Variants in SESN1 observed in about 807,000 individuals in gnomAD.
SESN1 encodes sestrin-1.
A neutral mutation model predicts 59.3 loss-of-function variants in SESN1; 30 were observed. That is an observed-to-expected ratio of 0.51 (90% CI 0.38 to 0.69). The LOEUF (loss-of-function observed/expected upper bound fraction) is 0.69, where lower values mean the gene tolerates loss of function less well. SESN1 is among the 30% of genes least tolerant of loss of function. The pLI is 0.00. For synonymous variants in SESN1, 197 were observed against 219.9 expected (o/e 0.90, Z 0.92); for missense variants, 566 against 673.0 (o/e 0.84, Z 1.76).
intron 1 of SESN1, among the ~76,000 whole-genome samples, chr6:109,016,108 T>C (rs1430394317): frequency 1.3e-5 from 2 of 152,254 alleles, no homozygotes; most frequent in Non-Finnish European, 1.5e-5. Context: ...ATAGGATTTT[T>C]ACCCGTGGTT....
chr6:109,009,212 A>C, intron 1 of SESN1: 1 of 825,610 alleles, frequency 1.2e-6, no homozygotes, highest in Non-Finnish European at 1.6e-6. Flanking sequence ...GCTCCCCGGG[A>C]GCCCGCCCTA....
chr6:109,022,477 C>T (rs1401029099), intron 1 of SESN1, among the ~76,000 whole-genome samples: 1 of 120,188 alleles, frequency 8.3e-6, no homozygotes, highest in Non-Finnish European at 1.6e-5. Flanking sequence ...GGCTGGAGTG[C>T]AGTGGCGCGA....
intron 5 of SESN1, among the ~76,000 whole-genome samples, chr6:108,998,074 A>G (rs1779537650): frequency 1.3e-5 from 2 of 152,332 alleles, no homozygotes; most frequent in Admixed American, 1.3e-4. Context: ...AAGTTGATTA[A>G]ATCTTCTGAA....
chr6:109,033,830 A>T (rs1182406218), intron 1 of SESN1, among the ~76,000 whole-genome samples: 1 of 152,244 alleles, frequency 6.6e-6, no homozygotes, highest in African/African-American at 2.4e-5. Context: ...TTTAGTTAAC[A>T]GTGCCTCTCA....
chr6:109,041,617 A>G (rs963065012), intron 1 of SESN1, among the ~76,000 whole-genome samples: 1 of 152,210 alleles, frequency 6.6e-6, no homozygotes, highest in Non-Finnish European at 1.5e-5. Context: ...GACATTATAT[A>G]TCATGATAAA....
intron 1 of SESN1, among the ~76,000 whole-genome samples, chr6:109,088,790 C>T (rs888390312): frequency 1.3e-5 from 2 of 152,146 alleles, no homozygotes; most frequent in Non-Finnish European, 2.9e-5. Flanking sequence ...TTAATACTCC[C>T]ATTCCTTTGT....
intron 1 of SESN1, among the ~76,000 whole-genome samples, chr6:109,077,518 A>C (rs190416267): frequency 6.6e-4 from 101 of 152,330 alleles, no homozygotes; most frequent in Admixed American, 2.0e-3. Context: ...ACTCATCCAG[A>C]ATATGAATGT....
At chr6:109,053,823 C>T (rs2114446142) in intron 1 of SESN1, among the ~76,000 whole-genome samples, 1 of 152,298 alleles carries the variant, frequency 6.6e-6, no homozygotes, top group South Asian at 2.1e-4. Flanking sequence ...CCTATCATAT[C>T]TGTATTAATA....
At chr6:109,011,001 T>TAG (rs1419722235) in intron 1 of SESN1, among the ~76,000 whole-genome samples, 1 of 152,230 alleles carries the variant, frequency 6.6e-6, no homozygotes, top group Non-Finnish European at 1.5e-5. Flanking sequence ...GCTAGTTAGG[T>TAG]AGAAGTATGT....
At chr6:109,077,206 A>G (rs919376959) in intron 1 of SESN1, among the ~76,000 whole-genome samples, 1 of 152,210 alleles carries the variant, frequency 6.6e-6, no homozygotes, top group African/African-American at 2.4e-5. Context: ...GTATCACCCT[A>G]CATTTCACAT....
intron 1 of SESN1, among the ~76,000 whole-genome samples, chr6:109,086,587 C>G (rs1484807152): frequency 3.3e-5 from 5 of 152,182 alleles, no homozygotes; most frequent in Admixed American, 6.5e-5. Flanking sequence ...TCTGCACATA[C>G]AGCACCTTTA....
At chr6:109,047,378 G>A (rs1368028141) in intron 1 of SESN1, among the ~76,000 whole-genome samples, 73 of 82,472 alleles carry the variant, frequency 8.9e-4, no homozygotes, top group African/African-American at 2.2e-3. Flanking sequence ...CAGCCGCCCC[G>A]TCCGGGAGGT....
At chr6:109,074,068 T>C (rs1780985288) in intron 1 of SESN1, among the ~76,000 whole-genome samples, 1 of 152,226 alleles carries the variant, frequency 6.6e-6, no homozygotes, top group Non-Finnish European at 1.5e-5. Context: ...GCCTTTTCTA[T>C]GTTTAGATAA....
chr6:109,077,147 T>C (rs1200192478), intron 1 of SESN1, among the ~76,000 whole-genome samples: 1 of 152,236 alleles, frequency 6.6e-6, no homozygotes, highest in East Asian at 1.9e-4. Context: ...CTATTGTATA[T>C]GCAGTCTGTT....
chr6:108,987,073 T>G lies in SESN1; in HGVS notation c.*471A>C, dbSNP rs1211783368. On this transcript the variant is annotated 3_prime_UTR_variant, in exon 10 of 10. Coordinates refer to ENST00000436639, the MANE Select transcript of SESN1 (RefSeq NM_014454.3). The stretch of plus-strand genomic sequence containing the variant: ...TGTATGTAGGCTCAGATAGTAGCAA[T>G]GTTCACTTTTATTACTAATAGCTTA... The G allele has an allele frequency of 6.5e-6, 1 of 153,278 alleles. No homozygotes were observed. Among genetic ancestry groups the G allele is most frequent in the African/African-American group, 2.4e-5 (1 of 41,472 alleles). The allele number at this position is 153,278 out of a possible 1,614,324, so 9.5% of individuals were successfully genotyped here.
intron 1 of SESN1, among the ~76,000 whole-genome samples, chr6:109,015,703 T>C (rs1272734013): frequency 6.6e-6 from 1 of 152,180 alleles, no homozygotes; most frequent in Non-Finnish European, 1.5e-5. Flanking sequence ...GTTAGGACTT[T>C]AAGCCATATG....
intron 1 of SESN1, among the ~76,000 whole-genome samples, chr6:109,085,751 C>T (rs987031713): frequency 6.6e-5 from 10 of 152,102 alleles, no homozygotes; most frequent in Non-Finnish European, 1.0e-4. Flanking sequence ...ATTTTACCAT[C>T]GTGTGAAAAA....
rs139416514 is a variant in SESN1, at chr6:109,078,860, C to G, written c.279+14935G>C. ...GGGATTCAGGAAAAAAAATAACAAC[C>G]CTGTAATTCTGTATTTTAACAAGAG... On this transcript the variant is annotated intron_variant, in intron 1 of 9. Transcript: ENST00000436639. Among the ~76,000 whole-genome samples the G allele has an allele frequency of 2.8e-3, 418 of 151,918 alleles. 3 individuals are homozygous for G. The highest frequency in any genetic ancestry group is 9.4e-3 in the African/African-American group (389 of 41,420).
chr6:109,081,178 C>T (rs969249163), intron 1 of SESN1, among the ~76,000 whole-genome samples: 1 of 152,118 alleles, frequency 6.6e-6, no homozygotes, highest in Admixed American at 6.6e-5. Flanking sequence ...ACCTCCTGGG[C>T]TCAAGCAATC....
Sources: gnomAD v4.1 joint callset for allele counts (sites outside exome capture counted in the v4.1 genomes callset) on GRCh38, gnomAD v4.1.1 for gene constraint, MANE v1.5 for transcripts, NCBI Gene and HGNC (gene_info 2026-07-23, HGNC 2026-07-21) for gene names.